Variants in TTLL11 observed in about 807,000 individuals in gnomAD.
TTLL11 encodes the protein tubulin polyglutamylase TTLL11.
A neutral mutation model predicts 51.7 loss-of-function variants in TTLL11; 42 were observed. That is an observed-to-expected ratio of 0.81 (90% CI 0.64 to 1.05). TTLL11 has a LOEUF of 1.05. TTLL11 is among the 50% of genes least tolerant of loss of function. The probability of loss-of-function intolerance (pLI) is 0.00; values close to 1 mark genes in which losing one functional copy is unlikely to be tolerated. For missense variants in TTLL11, 799 were observed against 940.4 expected (o/e 0.85, Z 1.97); for synonymous variants, 381 against 383.5 (o/e 0.99, Z 0.08).
chr9:122,084,865 A>G (rs1213794290), intron 1 of TTLL11, among the ~76,000 whole-genome samples: 1 of 152,182 alleles, frequency 6.6e-6, no homozygotes, highest in Non-Finnish European at 1.5e-5. Flanking sequence ...TTTCATGTAG[A>G]ATAACATCTG....
chr9:121,818,388 C>T lies in TTLL11; in HGVS notation c.*4199G>A, dbSNP rs578118594. 3.3e-5 allele frequency: 5 copies of T among 152,328 alleles called. No homozygotes were observed. Among genetic ancestry groups the T allele is most frequent in the Admixed American group, 1.3e-4 (2 of 15,298 alleles). The allele number at this position is 152,328 out of a possible 1,614,324, so 9.4% of individuals were successfully genotyped here. A position where few individuals can be genotyped will look rare whatever the true frequency, so the allele number is the denominator to read the frequency against. On this transcript the variant is annotated 3_prime_UTR_variant, in exon 9 of 9. Coordinates refer to ENST00000321582, the MANE Select transcript of TTLL11 (RefSeq NM_001139442.2). The stretch of plus-strand genomic sequence containing the variant: ...GAAATCTGTGCTTCTTAAAGGCACC[C>T]GCAGGCAAAGTGGAGAGCAAGTGTG...
intron 6 of TTLL11, among the ~76,000 whole-genome samples, chr9:121,971,642 G>C (rs1001594638): frequency 4.8e-5 from 7 of 144,398 alleles, no homozygotes; most frequent in Middle Eastern, 3.6e-3. Context: ...GGAAAGGTGG[G>C]GAAAAGATTG....
chr9:121,990,344 T>A (rs1843075068), intron 3 of TTLL11, among the ~76,000 whole-genome samples: 1 of 152,204 alleles, frequency 6.6e-6, no homozygotes, highest in East Asian at 1.9e-4. Flanking sequence ...ACCCTTTCCA[T>A]CTGTGAAATA....
chr9:122,011,337 C>T (rs1301154007), intron 3 of TTLL11, among the ~76,000 whole-genome samples: 1 of 151,960 alleles, frequency 6.6e-6, no homozygotes, highest in Non-Finnish European at 1.5e-5. Flanking sequence ...TTTTATTCTC[C>T]TTATTTATAA....
chr9:121,988,807 T>C lies in TTLL11; in HGVS notation c.1269+388A>G, dbSNP rs143880966. The stretch of plus-strand genomic sequence containing the variant: ...GCAAGGCCCTGACTTGCTGTCTCAA[T>C]AGAACCCAGGACAATGTCTGACCGC... On this transcript the variant is annotated intron_variant, in intron 4 of 8. Transcript: ENST00000321582. 6.6e-3 allele frequency: 1,902 copies of C among 288,748 alleles called. 13 individuals are homozygous for C. Among genetic ancestry groups the C allele is most frequent in the African/African-American group, 0.013 (609 of 46,288 alleles). The allele number at this position is 288,748 out of a possible 1,614,324, so 17.9% of individuals were successfully genotyped here.
chr9:122,056,756 G>C (rs1191781697), intron 1 of TTLL11, among the ~76,000 whole-genome samples: 1 of 152,208 alleles, frequency 6.6e-6, no homozygotes, highest in African/African-American at 2.4e-5. Flanking sequence ...TCTTCCACCT[G>C]GGTGTCCATG....
intron 8 of TTLL11, among the ~76,000 whole-genome samples, chr9:121,823,225 A>AG (rs945782414): frequency 2.0e-5 from 3 of 152,232 alleles, no homozygotes; most frequent in Non-Finnish European, 4.4e-5. Context: ...GCCTTGTAAA[A>AG]TGTCCACAAT....
At chr9:122,023,075 GA>G (rs1344422734) in intron 3 of TTLL11, among the ~76,000 whole-genome samples, 1 of 151,534 alleles carries the variant, frequency 6.6e-6, no homozygotes, top group Non-Finnish European at 1.5e-5. Flanking sequence ...TGAGCAGAGG[GA>G]AAAAAAGAAA....
intron 7 of TTLL11, among the ~76,000 whole-genome samples, chr9:121,866,293 T>C (rs1031957575): frequency 2.0e-5 from 3 of 152,306 alleles, no homozygotes; most frequent in South Asian, 2.1e-4. Flanking sequence ...TGAACATACT[T>C]AGAGAAATCT....
At chr9:121,959,077 C>T (rs1223091764) in intron 6 of TTLL11, among the ~76,000 whole-genome samples, 1 of 152,160 alleles carries the variant, frequency 6.6e-6, no homozygotes, top group Non-Finnish European at 1.5e-5. Flanking sequence ...ATGCAAAGGG[C>T]ACCTTGAAGA....
At chr9:122,035,140 A>T (rs1564368747) in intron 2 of TTLL11, among the ~76,000 whole-genome samples, 1 of 151,708 alleles carries the variant, frequency 6.6e-6, no homozygotes, top group African/African-American at 2.4e-5. Context: ...CCTCTCTCCA[A>T]CCTCTCCTCT....
chr9:121,847,151 C>T (rs978013084), intron 8 of TTLL11, among the ~76,000 whole-genome samples: 35 of 148,716 alleles, frequency 2.4e-4, no homozygotes, highest in Admixed American at 1.8e-3. Flanking sequence ...CGGAGCTTGC[C>T]GTGAGGCGAG....
At chr9:121,878,177 G>A (rs1387489051) in intron 6 of TTLL11, among the ~76,000 whole-genome samples, 1 of 152,134 alleles carries the variant, frequency 6.6e-6, no homozygotes, top group Non-Finnish European at 1.5e-5. Context: ...GGCTCTGTGG[G>A]GTGGCGTGAG....
intron 6 of TTLL11, among the ~76,000 whole-genome samples, chr9:121,918,897 T>C (rs1169258740): frequency 1.3e-5 from 2 of 152,218 alleles, no homozygotes; most frequent in South Asian, 2.1e-4. Flanking sequence ...AGCATTAATA[T>C]GTAAAGTTCA....
chr9:121,847,747 TC>T (rs1212433681), intron 8 of TTLL11, among the ~76,000 whole-genome samples: 1 of 152,214 alleles, frequency 6.6e-6, no homozygotes, highest in Non-Finnish European at 1.5e-5. Flanking sequence ...ATACAAATTC[TC>T]TACAATCTCT....
At chr9:122,065,135 T>G (rs1304393612) in intron 1 of TTLL11, among the ~76,000 whole-genome samples, 1 of 152,198 alleles carries the variant, frequency 6.6e-6, no homozygotes. Flanking sequence ...GGAAATCACA[T>G]TTTAACAAAT....
chr9:121,926,419 G>T (rs531712932), intron 6 of TTLL11, among the ~76,000 whole-genome samples: 1 of 152,254 alleles, frequency 6.6e-6, no homozygotes, highest in Non-Finnish European at 1.5e-5. Flanking sequence ...ACTGCCACAA[G>T]GCTTGCTAAG....
rs1436811444 is a variant in TTLL11 at position 121,826,209 on chromosome 9, T to C, written c.1841-3330A>G. On this transcript the variant is annotated intron_variant, in intron 8 of 8. Transcript: ENST00000321582. ...CTATATATATATATATATATATATA[T>C]ATATATATGCACACATATATATATA... 1.9e-4 allele frequency among the ~76,000 whole-genome samples: 22 copies of C among 116,164 alleles called. 2 individuals carry two copies. Among genetic ancestry groups the C allele is most frequent in the African/African-American group, 6.4e-4 (17 of 26,468 alleles). 76.2% of individuals were successfully genotyped at this position (116,164 alleles called of 152,430 possible).
chr9:121,899,357 GTGTGTGTGTA>G (rs1839661051), intron 6 of TTLL11, among the ~76,000 whole-genome samples: 3 of 95,470 alleles, frequency 3.1e-5, no homozygotes, highest in Admixed American at 1.6e-4. Context: ...GTGTGTGTAT[GTGTGTGTGTA>G]TATATATATA....
Sources: gnomAD v4.1 joint callset for allele counts (sites outside exome capture counted in the v4.1 genomes callset) on GRCh38, gnomAD v4.1.1 for gene constraint, MANE v1.5 for transcripts, NCBI Gene and HGNC (gene_info 2026-07-23, HGNC 2026-07-21) for gene names.